Variants in ETV4 observed in about 807,000 individuals in gnomAD.
The protein encoded by ETV4 is ETS variant transcription factor 4, also known as ETS translocation variant 4.
Under a neutral mutation model 65.9 loss-of-function variants are expected in ETV4, and 42 were observed. That is an observed-to-expected ratio of 0.64 (90% CI 0.50 to 0.82). ETV4 has a LOEUF of 0.82. Among genes scored for constraint, ETV4 ranks in the 40% least tolerant of loss-of-function variants. ETV4 has a pLI of 0.00. For synonymous variants in ETV4, 238 were observed against 260.0 expected, an observed-to-expected ratio of 0.92 and a Z score of 0.81; for missense variants, 583 against 630.3, an observed-to-expected ratio of 0.92 and a Z score of 0.80.
At chr17:43,531,462 T>A (rs962153477) in intron 8 of ETV4, among the ~76,000 whole-genome samples, 7 of 152,098 alleles carry the variant, frequency 4.6e-5, no homozygotes, top group African/African-American at 1.7e-4. Flanking sequence ...ATACATCAAT[T>A]GGGAGGCTCA....
chr17:43,530,420 C>T lies in ETV4; in HGVS notation c.812-239G>A, dbSNP rs550301255. On this transcript the variant is annotated intron_variant, in intron 8 of 12. Transcript: ENST00000319349. ...CGGCTGAGGCCATGGAAGGCAGCAGCGGGGGCTGGGCAAGCTGTTCTGAAG... is the reference window on the plus strand; with the variant it reads ...CGGCTGAGGCCATGGAAGGCAGCAGTGGGGGCTGGGCAAGCTGTTCTGAAG... The T allele has an allele frequency of 4.0e-5, 56 of 1,404,038 alleles. No homozygotes were observed. The South Asian group carries it at 5.8e-4, about 15-fold the overall frequency. The allele number at this position is 1,404,038 out of a possible 1,614,324, so 87.0% of individuals were successfully genotyped here. A position where few individuals can be genotyped will look rare whatever the true frequency, so the allele number is the denominator to read the frequency against.
chr17:43,537,513 G>A (rs1971306683), intron 4 of ETV4, among the ~76,000 whole-genome samples: 2 of 151,862 alleles, frequency 1.3e-5, no homozygotes, highest in South Asian at 4.2e-4. Flanking sequence ...GGCCAACAAA[G>A]TGAAACTCCC....
At chr17:43,530,969 A>G (rs1970899703) in intron 8 of ETV4, among the ~76,000 whole-genome samples, 1 of 152,134 alleles carries the variant, frequency 6.6e-6, no homozygotes. Flanking sequence ...GGGGAGGGGC[A>G]GGAGTTCAAG....
rs144916436 is a variant in ETV4 at position 43,529,889 on chromosome 17, A to G, written c.950T>C (p.Phe317Ser). The G allele has an allele frequency of 1.0e-4, 164 of 1,614,024 alleles. No homozygotes were observed. The highest frequency in any genetic ancestry group is 1.3e-4 in the Non-Finnish European group (155 of 1,180,044). Residue 317 changes from phenylalanine (F) to serine (S), a missense_variant, in exon 10 of 13, where the codon TTT (phenylalanine) becomes TCT (serine). Physicochemically the swap from Phe to Ser is radical, Grantham distance 155. Transcript: ENST00000319349. ...PDDVCVVPEK[F>S]EGDIKQEGVG... The stretch of plus-strand genomic sequence containing the variant: ...TCAACAGTCACTTCTCTGACCTTCA[A>G]ATTTCTCAGGGACAACGCAGACATC...
Position 43,529,969 on chromosome 17 carries a change from G to A in ETV4, c.887-17C>T, listed in dbSNP as rs764041956. On this transcript the variant is annotated splice_polypyrimidine_tract_variant and intron_variant, in intron 9 of 12. Coordinates refer to ENST00000319349, the MANE Select transcript of ETV4 (RefSeq NM_001079675.5). ...AGCCATAGCCTTGTGGAGGAAATTG[G>A]GGGTTGCTCAGATCTGGGGGTTCAC... 3.7e-6 allele frequency: 6 copies of A among 1,614,116 alleles called. No individual in the cohort carries two copies. In the South Asian group the frequency reaches 5.5e-5, roughly 15 times the overall value.
intron 11 of ETV4, 119 bp downstream of exon 11, chr17:43,529,385 G>T: frequency 7.0e-7 from 1 of 1,428,908 alleles, no homozygotes; most frequent in Non-Finnish European, 9.6e-7. Context: ...GGCTTGGCAA[G>T]AATTCAGGTT....
intron 10 of ETV4, 25 bp downstream of exon 10, chr17:43,529,859 T>TC: frequency 6.2e-7 from 1 of 1,613,226 alleles, no homozygotes; most frequent in Non-Finnish European, 8.5e-7. Flanking sequence ...ACCTTGACCC[T>TC]CCCATCAACA....
At chr17:43,528,788 C>A (rs1397241930) in intron 12 of ETV4, 45 bp from the exon 13 acceptor site, 4 of 1,535,078 alleles carry the variant, frequency 2.6e-6, no homozygotes, top group Non-Finnish European at 2.7e-6. Context: ...AGCCGCCCAG[C>A]CTTTGTATGG....
chr17:43,538,462 T>C (rs12948043), intron 4 of ETV4, among the ~76,000 whole-genome samples: 41,577 of 152,028 alleles, frequency 0.27, 5,846 homozygotes, highest in Middle Eastern at 0.34. Context: ...CCAAGGTTGG[T>C]GATCCGAAGA....
At position 43,545,651 on chromosome 17, in the gene ETV4, C is replaced by T. The variant is rs953722924; in HGVS notation, c.-34G>A. ...TCCCTCCGGCCGCACGGCCGGGGCC[C>T]CAAGCGGGGGCCGAGACCTGGTGGG... On this transcript the variant is annotated 5_prime_UTR_variant, in exon 2 of 13. Coordinates refer to ENST00000319349, the MANE Select transcript of ETV4 (RefSeq NM_001079675.5). 6.5e-7 allele frequency: 1 copy of T among 1,548,068 alleles called. No individual in the cohort carries two copies. The highest frequency in any genetic ancestry group is 2.0e-5 in the Admixed American group (1 of 50,970).
intron 5 of ETV4, among the ~76,000 whole-genome samples, chr17:43,534,268 A>G (rs1971115694): frequency 1.3e-5 from 2 of 152,162 alleles, no homozygotes; most frequent in Non-Finnish European, 2.9e-5. Context: ...TAATCCCAGC[A>G]CTTTGGGAGG....
chr17:43,533,796 C>T, intron 6 of ETV4, 63 bp downstream of exon 6: 1 of 1,580,592 alleles, frequency 6.3e-7, no homozygotes, highest in Admixed American at 1.9e-5. Flanking sequence ...CTCATGGGTG[C>T]CCCCTGCCTC....
chr17:43,533,407 C>T (rs1321877117), intron 6 of ETV4, 59 bp from the exon 7 acceptor site: 36 of 1,508,702 alleles, frequency 2.4e-5, no homozygotes, highest in South Asian at 8.2e-5. Context: ...CATCTTTGAA[C>T]CCTTCATTCC....
chr17:43,529,872 C>T lies in ETV4; in HGVS notation c.955+12G>A, dbSNP rs765847968. ...AGACCTTGACCCTCCCATCAACAGT[C>T]ACTTCTCTGACCTTCAAATTTCTCA... is the stretch of plus-strand genomic sequence containing the variant. On this transcript the variant is annotated intron_variant, in intron 10 of 12. Coordinates refer to ENST00000319349, the MANE Select transcript of ETV4 (RefSeq NM_001079675.5). 4.3e-6 allele frequency: 7 copies of T among 1,614,120 alleles called. No homozygotes were observed. The highest frequency in any genetic ancestry group is 5.9e-6 in the Non-Finnish European group (7 of 1,179,980).
intron 4 of ETV4, among the ~76,000 whole-genome samples, chr17:43,543,329 CACAG>C (rs1417175297): frequency 6.6e-6 from 1 of 151,678 alleles, no homozygotes; most frequent in Non-Finnish European, 1.5e-5. Context: ...CCGACACTGA[CACAG>C]ACAGACATTT....
Position 43,545,668 on chromosome 17 carries a change from C to T in ETV4, c.-51G>A, listed in dbSNP as rs1432795278. 3 of 1,509,908 alleles carry T rather than the reference C, an allele frequency of 2.0e-6. No homozygotes were observed. In the Admixed American group the frequency reaches 5.9e-5, roughly 30 times the overall value. 93.5% of individuals were successfully genotyped at this position (1,509,908 alleles called of 1,614,324 possible). On this transcript the variant is annotated splice_region_variant and 5_prime_UTR_variant, in exon 2 of 13. Transcript: ENST00000319349. ...CCGGGGCCCCAAGCGGGGGCCGAGA[C>T]CTGGTGGGGGAGGGGGCTGCGTTCG...
intron 5 of ETV4, among the ~76,000 whole-genome samples, 194 bp from the exon 6 acceptor site, chr17:43,534,179 A>C (rs1971111339): frequency 6.6e-6 from 1 of 152,210 alleles, no homozygotes; most frequent in Non-Finnish European, 1.5e-5. Flanking sequence ...TAGTTTATAC[A>C]TCAGACTAGT....
At chr17:43,543,289 C>G (rs1351646307) in intron 4 of ETV4, among the ~76,000 whole-genome samples, 3 of 150,830 alleles carry the variant, frequency 2.0e-5, no homozygotes, top group African/African-American at 7.4e-5. Flanking sequence ...CTCTCTCTCT[C>G]TCTCTCTCAC....
rs753114968 is a variant in ETV4, at chr17:43,545,230, TGTGTGGC to T, written c.154+37_154+43del. 1.6e-5 allele frequency: 19 copies of T among 1,181,954 alleles called. No individual in the cohort carries two copies. The African/African-American group carries it at 2.6e-4, about 16-fold the overall frequency. The allele number at this position is 1,181,954 out of a possible 1,614,324, so 73.2% of individuals were successfully genotyped here. A position where few individuals can be genotyped will look rare whatever the true frequency, so the allele number is the denominator to read the frequency against. On this transcript the variant is annotated intron_variant, in intron 3 of 12. Transcript: ENST00000319349. ...GTGTGTGTGTGTGTGTGTGTGTGTG[TGTGTGGC>T]GGAGGAGGGTCGCGGTTTGTCTCTC...
Sources: allele counts gnomAD v4.1 joint callset (sites outside exome capture counted in the v4.1 genomes callset), GRCh38; gene constraint gnomAD v4.1.1; transcripts MANE v1.5; gene names NCBI Gene and HGNC (gene_info 2026-07-23, HGNC 2026-07-21).